The following CC2D2A variants were observed in gnomAD, a reference collection of about 807,000 sequenced individuals.
The protein encoded by CC2D2A is coiled-coil and C2 domain-containing protein 2A.
Under a neutral mutation model 212.9 loss-of-function variants are expected in CC2D2A, and 155 were observed. That is an observed-to-expected ratio of 0.73 (90% confidence interval 0.64 to 0.83). The LOEUF (loss-of-function observed/expected upper bound fraction) is 0.83. CC2D2A is among the 40% of genes least tolerant of loss of function. The pLI is 0.00. For synonymous variants in CC2D2A, 667 were observed against 686.5 expected (o/e 0.97, Z 0.44); for missense variants, 1,856 against 1,956.2 (o/e 0.95, Z 0.97).
intron 11 of CC2D2A, 32 bp downstream of exon 11, chr4:15,516,788 A>G (rs1028279855): frequency 3.0e-5 from 48 of 1,598,266 alleles, no homozygotes; most frequent in Non-Finnish European, 4.1e-5. Context: ...CTTTTATTAA[A>G]TGAAATTGAA....
intron 36 of CC2D2A, among the ~76,000 whole-genome samples, chr4:15,600,418 G>A (rs1444319636): frequency 6.6e-6 from 1 of 152,164 alleles, no homozygotes; most frequent in Non-Finnish European, 1.5e-5. Flanking sequence ...CCGTATGATG[G>A]CATCATCCTG....
At chr4:15,488,484 C>T (rs1715128869) in intron 4 of CC2D2A, among the ~76,000 whole-genome samples, 1 of 152,092 alleles carries the variant, frequency 6.6e-6, no homozygotes, top group South Asian at 2.1e-4. Context: ...TTTTCTTTTG[C>T]TGCTTTTAGG....
intron 29 of CC2D2A, chr4:15,576,363 A>G: frequency 1.0e-6 from 1 of 984,526 alleles, no homozygotes; most frequent in Non-Finnish European, 1.2e-6. Context: ...ACTTACAGCA[A>G]TACTTCCTGG....
In CC2D2A at chr4:15,540,895, T is replaced by C; in HGVS notation, c.2062T>C (p.Phe688Leu). 1 of 1,593,412 alleles carries C rather than the reference T, an allele frequency of 6.3e-7. No homozygotes were observed. The highest frequency in any genetic ancestry group is 8.5e-7 in the Non-Finnish European group (1 of 1,169,636). ...KKRSVYLKVL[F>L]NNKEVSRTVS... is the part of the protein sequence containing the mutation. ...GCGCTCAGTGTACTTAAAAGTGCTG[T>C]TCAACAACAAGGAGGTGTCCAGGAC... The change falls in exon 17 of 37, where the codon TTC (phenylalanine) becomes CTC (leucine). Residue 688 changes from phenylalanine (F) to leucine (L), a missense_variant. This residue lies in a region of CC2D2A where 1,512 missense variants were observed against 1,579.3 expected (regional missense o/e 0.96). Transcript: ENST00000424120.
chr4:15,511,509 G>A, intron 8 of CC2D2A, 86 bp downstream of exon 8: 4 of 1,240,292 alleles, frequency 3.2e-6, no homozygotes, highest in Non-Finnish European at 4.3e-6. Flanking sequence ...AAGTGGCTGA[G>A]GAGAAACCTG....
chr4:15,567,561 G>T, intron 25 of CC2D2A, 79 bp downstream of exon 25: 1 of 1,358,212 alleles, frequency 7.4e-7, no homozygotes, highest in Non-Finnish European at 1.0e-6. Context: ...TGGATAGTCT[G>T]CTCTCTGCTT....
chr4:15,489,897 C>T (rs1253576469), intron 4 of CC2D2A, among the ~76,000 whole-genome samples: 1 of 152,180 alleles, frequency 6.6e-6, no homozygotes, highest in Non-Finnish European at 1.5e-5. Flanking sequence ...ACCTCTTTCT[C>T]CTTTGCTTGT....
chr4:15,477,999 G>A (rs149376316), intron 2 of CC2D2A, among the ~76,000 whole-genome samples: 24 of 152,244 alleles, frequency 1.6e-4, no homozygotes, highest in Non-Finnish European at 2.9e-4. Context: ...ACCCCAGAGA[G>A]GTTCTGTTTA....
chr4:15,505,396 C>G (rs2109001249), intron 6 of CC2D2A, among the ~76,000 whole-genome samples: 1 of 152,234 alleles, frequency 6.6e-6, no homozygotes, highest in Middle Eastern at 3.4e-3. Flanking sequence ...TACATGTGGC[C>G]CTGGTTCCCT....
At chr4:15,577,577 A>G (rs28583158) in intron 29 of CC2D2A, among the ~76,000 whole-genome samples, 1,994 of 152,324 alleles carry the variant, frequency 0.013, 53 homozygotes, top group African/African-American at 0.046. Context: ...ACAAGTATTA[A>G]AGACTAAATG....
chr4:15,573,633 A>C (rs2109077297), intron 28 of CC2D2A, among the ~76,000 whole-genome samples: 1 of 152,332 alleles, frequency 6.6e-6, no homozygotes, highest in African/African-American at 2.4e-5. Context: ...TCCTTAGATA[A>C]CATTTGATCT....
intron 4 of CC2D2A, chr4:15,492,696 C>G (rs17385451): frequency 0.044 from 30,941 of 703,440 alleles, 918 homozygotes; most frequent in Non-Finnish European, 0.058. Context: ...CTTTCGTGCT[C>G]TCACTGGGTC....
chr4:15,598,995 A>G (rs951438998), intron 35 of CC2D2A, among the ~76,000 whole-genome samples: 12 of 152,062 alleles, frequency 7.9e-5, no homozygotes, highest in African/African-American at 2.9e-4. Flanking sequence ...CCTTGTCTCT[A>G]TAAAAAAGAA....
chr4:15,536,013 T>C (rs1718110528), intron 14 of CC2D2A, among the ~76,000 whole-genome samples: 1 of 152,200 alleles, frequency 6.6e-6, no homozygotes, highest in South Asian at 2.1e-4. Context: ...CCAGTGTTAA[T>C]ATGGCCACAA....
chr4:15,517,759 C>G (rs1056477412), intron 11 of CC2D2A, among the ~76,000 whole-genome samples: 2 of 152,076 alleles, frequency 1.3e-5, no homozygotes, highest in Non-Finnish European at 2.9e-5. Flanking sequence ...AAGGCATACC[C>G]AAGACTGGGC....
intron 11 of CC2D2A, 66 bp from the exon 12 acceptor site, chr4:15,527,381 A>T: frequency 8.3e-7 from 1 of 1,209,178 alleles, no homozygotes; most frequent in Non-Finnish European, 1.2e-6. Context: ...CCCATTGTGG[A>T]TTAGAGAATC....
At chr4:15,591,521 A>T (rs1186648221) in intron 33 of CC2D2A, among the ~76,000 whole-genome samples, 1 of 152,104 alleles carries the variant, frequency 6.6e-6, no homozygotes, top group South Asian at 2.1e-4. Flanking sequence ...GCCCAGCCCC[A>T]TCAACCTATT....
intron 32 of CC2D2A, 27 bp downstream of exon 32, chr4:15,587,956 A>G: frequency 2.4e-6 from 3 of 1,253,444 alleles, no homozygotes; most frequent in Non-Finnish European, 3.5e-6. Flanking sequence ...TGCCTTTAAC[A>G]GAGGAGTATA....
At chr4:15,526,310 A>G (rs1717508452) in intron 11 of CC2D2A, among the ~76,000 whole-genome samples, 2 of 152,200 alleles carry the variant, frequency 1.3e-5, no homozygotes, top group African/African-American at 4.8e-5. Context: ...TTAGCCTCCT[A>G]TTTCTACACA....
Sources: gnomAD v4.1 joint callset for allele counts (sites outside exome capture counted in the v4.1 genomes callset) on GRCh38, gnomAD v4.1.1 for gene constraint, gnomAD v4.1.1 regional missense constraint, MANE v1.5 for transcripts, NCBI Gene and HGNC (gene_info 2026-07-23, HGNC 2026-07-21) for gene names.